The following IFFO2 variants were observed in gnomAD, a reference collection of about 807,000 sequenced individuals.
The protein encoded by IFFO2 is intermediate filament family orphan 2.
IFFO2 carries 19 observed loss-of-function variants against 53.5 expected under a neutral mutation model. The observed-to-expected ratio is 0.36, with a 90% confidence interval of 0.25 to 0.52. The LOEUF (loss-of-function observed/expected upper bound fraction) is 0.52, where lower values mean the gene tolerates loss of function less well. IFFO2 is among the 20% of genes least tolerant of loss of function. The pLI, the probability that IFFO2 is intolerant of heterozygous loss-of-function variation, is 0.94. For synonymous variants in IFFO2, 303 were observed against 313.6 expected, an observed-to-expected ratio of 0.97 and a Z score of 0.36; for missense variants, 570 against 727.4, an observed-to-expected ratio of 0.78 and a Z score of 2.49.
chr1:18,920,595 T>C (rs949178086), intron 2 of IFFO2, among the ~76,000 whole-genome samples: 7 of 152,112 alleles, frequency 4.6e-5, no homozygotes, highest in African/African-American at 1.2e-4. Context: ...GCAAGGGGAA[T>C]GTTCCCAAAT....
At chr1:18,930,897 A>G (rs557148681) in intron 1 of IFFO2, among the ~76,000 whole-genome samples, 5 of 152,316 alleles carry the variant, frequency 3.3e-5, no homozygotes, top group African/African-American at 1.2e-4. Context: ...GAGGCTGAAC[A>G]TGGTGGCTCA....
chr1:18,916,774 A>G lies in IFFO2; in HGVS notation c.1103+129T>C. On this transcript the variant is annotated intron_variant, in intron 5 of 8. Transcript: ENST00000455833. This position sits in a 1 kb window ranked among gnomAD's most constrained non-coding sequence, Gnocchi z 4.3. ...GGTGACAAAGTGAGACCCTGTCTCA[A>G]AAAAAAAAAGGAAATGAATTCAAAT... is the stretch of plus-strand genomic sequence containing the variant. The G allele has an allele frequency of 3.7e-6, 4 of 1,073,982 alleles. No individual in the cohort carries two copies. The highest frequency in any genetic ancestry group is 5.1e-6 in the Non-Finnish European group (4 of 784,682). The allele number at this position is 1,073,982 out of a possible 1,614,324, so 66.5% of individuals were successfully genotyped here. A position where few individuals can be genotyped will look rare whatever the true frequency, so the allele number is the denominator to read the frequency against.
chr1:18,911,781 C>T (rs1285958663), intron 6 of IFFO2, among the ~76,000 whole-genome samples, 182 bp downstream of exon 6: 1 of 152,114 alleles, frequency 6.6e-6, no homozygotes, highest in African/African-American at 2.4e-5. Flanking sequence ...TCAGGTGATC[C>T]GCCCACCTCG....
intron 1 of IFFO2, among the ~76,000 whole-genome samples, chr1:18,938,178 A>C (rs1936473840): frequency 6.6e-6 from 1 of 152,246 alleles, no homozygotes; most frequent in Non-Finnish European, 1.5e-5. Context: ...TGATCTGCTA[A>C]AGCGACTTTA....
At chr1:18,939,318 A>G (rs1226991129) in intron 1 of IFFO2, among the ~76,000 whole-genome samples, 2 of 152,194 alleles carry the variant, frequency 1.3e-5, no homozygotes, top group Non-Finnish European at 2.9e-5. Flanking sequence ...AGGGACCACC[A>G]GGCCAGAGGC....
intron 1 of IFFO2, among the ~76,000 whole-genome samples, chr1:18,951,179 T>C (rs1294747111): frequency 6.6e-6 from 1 of 152,116 alleles, no homozygotes; most frequent in Non-Finnish European, 1.5e-5. Flanking sequence ...TTTTGGACAG[T>C]CTGGGAGTCA....
At chr1:18,932,587 T>G (rs1376046371) in intron 1 of IFFO2, among the ~76,000 whole-genome samples, 1 of 152,242 alleles carries the variant, frequency 6.6e-6, no homozygotes, top group Non-Finnish European at 1.5e-5. Flanking sequence ...GTTGTTGTAG[T>G]AAATGAGTCA....
chr1:18,927,425 T>G (rs1053745527), intron 1 of IFFO2, among the ~76,000 whole-genome samples: 2 of 152,174 alleles, frequency 1.3e-5, no homozygotes, highest in African/African-American at 4.8e-5. Flanking sequence ...GAGAGCAGCT[T>G]CCTTCCCGGC....
intron 1 of IFFO2, among the ~76,000 whole-genome samples, chr1:18,923,674 G>A (rs931551569): frequency 6.6e-6 from 1 of 152,238 alleles, no homozygotes; most frequent in Non-Finnish European, 1.5e-5. Flanking sequence ...CTAGCAAGCA[G>A]GGAGCTGGGA....
chr1:18,930,158 G>A lies in IFFO2; in HGVS notation c.666-9037C>T, dbSNP rs534668623. On this transcript the variant is annotated intron_variant, in intron 1 of 8. Coordinates refer to ENST00000455833, the MANE Select transcript of IFFO2 (RefSeq NM_001136265.2). ...CTTGGTAATACCTCCCAGCTCCGAGGGGTTTTGCCCACATTCCATGGAATA... is the reference window on the plus strand; with the variant it reads ...CTTGGTAATACCTCCCAGCTCCGAGAGGTTTTGCCCACATTCCATGGAATA... Among the ~76,000 whole-genome samples, 657 of 152,278 alleles carry A rather than the reference G, an allele frequency of 4.3e-3. 3 individuals are homozygous for A. The highest frequency in any genetic ancestry group is 0.015 in the African/African-American group (616 of 41,552).
rs929459908 is a variant in IFFO2, at chr1:18,916,076, G to A, written c.1103+827C>T. On this transcript the variant is annotated intron_variant, in intron 5 of 8. Coordinates refer to ENST00000455833, the MANE Select transcript of IFFO2 (RefSeq NM_001136265.2). This position sits in a 1 kb window ranked among gnomAD's most constrained non-coding sequence, Gnocchi z 4.3. ...GGAGGCAGAGGTTGCAGTGAGCCGA[G>A]ATCTGGCCGCTATACTCCAGTCTGG... Among the ~76,000 whole-genome samples, 1 of 151,914 alleles carries A rather than the reference G, an allele frequency of 6.6e-6. No individual in the cohort carries two copies. The highest frequency in any genetic ancestry group is 1.5e-5 in the Non-Finnish European group (1 of 67,986).
intron 6 of IFFO2, among the ~76,000 whole-genome samples, chr1:18,911,759 G>A (rs918478660): frequency 3.3e-5 from 5 of 152,010 alleles, no homozygotes; most frequent in Non-Finnish European, 2.9e-5. Context: ...GGCTGGTCTC[G>A]AACTCCCAAC....
chr1:18,939,488 G>A (rs1363217234), intron 1 of IFFO2, among the ~76,000 whole-genome samples: 1 of 152,204 alleles, frequency 6.6e-6, no homozygotes, highest in Non-Finnish European at 1.5e-5. Flanking sequence ...GGACCAGAGT[G>A]ATCCCTGGGA....
intron 1 of IFFO2, among the ~76,000 whole-genome samples, chr1:18,938,303 G>C (rs1018551963): frequency 6.6e-5 from 10 of 152,324 alleles, no homozygotes; most frequent in Admixed American, 3.9e-4. Context: ...ACATTATTTT[G>C]CTCCTCCTAG....
chr1:18,913,361 G>A (rs753941396), intron 5 of IFFO2, among the ~76,000 whole-genome samples: 13 of 152,278 alleles, frequency 8.5e-5, no homozygotes, highest in Non-Finnish European at 1.0e-4. Flanking sequence ...AGTGGTCACT[G>A]CATCACACAC....
At chr1:18,910,574 G>A (rs188734585) in intron 7 of IFFO2, 102 bp from the exon 8 acceptor site, 3 of 1,341,188 alleles carry the variant, frequency 2.2e-6, no homozygotes, top group Admixed American at 2.0e-5. Context: ...GTGCCATCAA[G>A]GCCACCATTG....
chr1:18,916,865 G>A lies in IFFO2; in HGVS notation c.1103+38C>T, dbSNP rs377539474. On this transcript the variant is annotated intron_variant, in intron 5 of 8. Transcript: ENST00000455833. This position sits in a 1 kb window ranked among gnomAD's most constrained non-coding sequence, Gnocchi z 4.3. ...TTCACCGCCCCTGTGCAAGCAATCC[G>A]GGGAAACGGAGAGTGTGCGGGCCAC... 94 of 1,548,158 alleles carry A rather than the reference G, an allele frequency of 6.1e-5. No homozygotes were observed. The Middle Eastern group carries it at 1.2e-3, about 19-fold the overall frequency.
chr1:18,949,207 G>A (rs1196961120), intron 1 of IFFO2, among the ~76,000 whole-genome samples: 1 of 152,242 alleles, frequency 6.6e-6, no homozygotes, highest in African/African-American at 2.4e-5. Flanking sequence ...CAGACACAGA[G>A]GCCTCCCTGC....
At chr1:18,931,158 T>C (rs999219023) in intron 1 of IFFO2, among the ~76,000 whole-genome samples, 1 of 151,888 alleles carries the variant, frequency 6.6e-6, no homozygotes, top group Non-Finnish European at 1.5e-5. Flanking sequence ...GGTGACAGAG[T>C]GTGACCCTGT....
Sources: gnomAD v4.1 joint callset for allele counts (sites outside exome capture counted in the v4.1 genomes callset) on GRCh38, gnomAD v4.1.1 for gene constraint, Gnocchi (gnomAD v3.1) non-coding constraint, MANE v1.5 for transcripts, NCBI Gene and HGNC (gene_info 2026-07-23, HGNC 2026-07-21) for gene names.